PDIA4: variants seen among roughly 807,000 people sequenced by gnomAD.
PDIA4 encodes protein disulfide-isomerase A4.
In PDIA4, 33 loss-of-function variants were observed where a neutral mutation model predicts 62.1. The observed-to-expected ratio is 0.53, with a 90% CI of 0.40 to 0.71. PDIA4 has a LOEUF of 0.71. PDIA4 is among the 30% of genes least tolerant of loss of function. The pLI, the probability that PDIA4 is intolerant of heterozygous loss-of-function variation, is 0.00. For missense variants in PDIA4, 804 were observed against 813.6 expected, an observed-to-expected ratio of 0.99 and a Z score of 0.14; for synonymous variants, 341 against 324.1, an observed-to-expected ratio of 1.05 and a Z score of -0.56.
Position 149,011,946 on chromosome 7 carries a change from C to T in PDIA4, c.879G>A (p.Leu293=). 6.2e-7 allele frequency: 1 copy of T among 1,610,138 alleles called. No individual in the cohort carries two copies. The highest frequency in any genetic ancestry group is 8.5e-7 in the Non-Finnish European group (1 of 1,177,838). Residue 293 remains leucine, a synonymous_variant, in exon 6 of 10, where the codon CTG becomes CTA. Coordinates refer to ENST00000652332, the MANE Select transcript of PDIA4 (RefSeq NM_004911.5). ...CCTTCAGGAACTCCTGGACCTGCTT[C>T]AGGGTCAGAATCTCCTTGGAGGGAG... is the stretch of plus-strand genomic sequence containing the variant. ...SGPPSKEILT[L]KQVQEFLKDG... is the part of the protein sequence containing the mutation.
At chr7:149,018,734 T>C (rs1253145073) in intron 3 of PDIA4, among the ~76,000 whole-genome samples, 2 of 151,966 alleles carry the variant, frequency 1.3e-5, no homozygotes, top group African/African-American at 4.8e-5. Context: ...GTCTGGCCCA[T>C]TTCCTAACAC....
rs1456402415 is a variant in PDIA4 at position 149,014,993 on chromosome 7, T to C, written c.525A>G (p.Pro175=). ...REVSQPDWTP[P]PEVTLVLTKE... ...TGGTCAACACAAGCGTGACTTCTGG[T>C]GGAGGCGTCCAGTCGGGCTGGGAGA... The change falls in exon 4 of 10, where the codon CCA becomes CCG. Residue 175 remains proline, a synonymous_variant. Coordinates refer to ENST00000652332, the MANE Select transcript of PDIA4 (RefSeq NM_004911.5). 10 of 1,614,186 alleles carry C rather than the reference T, an allele frequency of 6.2e-6. No homozygotes were observed. The highest frequency in any genetic ancestry group is 7.6e-6 in the Non-Finnish European group (9 of 1,179,996).
At chr7:149,017,485 G>A (rs1824178241) in intron 3 of PDIA4, among the ~76,000 whole-genome samples, 1 of 152,170 alleles carries the variant, frequency 6.6e-6, no homozygotes, top group Non-Finnish European at 1.5e-5. Context: ...TCTGGAGGCT[G>A]AGGCAGGAGA....
At chr7:149,027,054 T>C (rs1043932497) in intron 1 of PDIA4, among the ~76,000 whole-genome samples, 1 of 152,202 alleles carries the variant, frequency 6.6e-6, no homozygotes, top group Non-Finnish European at 1.5e-5. Context: ...TTTTCCGCTA[T>C]GTTCCAAAAA....
chr7:149,021,044 G>A lies in PDIA4; in HGVS notation c.192C>T (p.Val64=). The change falls in exon 2 of 10, where the codon GTC becomes GTT. Residue 64 remains valine (V), a synonymous_variant. Coordinates refer to ENST00000652332, the MANE Select transcript of PDIA4 (RefSeq NM_004911.5). The part of the protein sequence containing the change: ...DDLEVKEENG[V]LVLNDANFDN... ...CAAAGTTTGCATCATTTAGGACCAA[G>A]ACTCCATTTTCTTCCTTAACTTCCA... 2 of 1,614,154 alleles carry A rather than the reference G, an allele frequency of 1.2e-6. No individual in the cohort carries two copies. The highest frequency in any genetic ancestry group is 1.7e-6 in the Non-Finnish European group (2 of 1,180,016).
At chr7:149,026,128 G>A (rs1200508323) in intron 1 of PDIA4, among the ~76,000 whole-genome samples, 1 of 152,168 alleles carries the variant, frequency 6.6e-6, no homozygotes, top group African/African-American at 2.4e-5. Context: ...CACTTGAGGG[G>A]TGAGGTAGTG....
At chr7:149,012,429 G>C (rs775581188) in intron 4 of PDIA4, 69 bp from the exon 5 acceptor site, 1 of 1,346,150 alleles carries the variant, frequency 7.4e-7, no homozygotes, top group Non-Finnish European at 1.1e-6. Flanking sequence ...TAAATGAGCT[G>C]CAGAAACCCA....
intron 4 of PDIA4, among the ~76,000 whole-genome samples, chr7:149,013,239 C>T (rs1241382163): frequency 1.3e-5 from 2 of 152,114 alleles, no homozygotes; most frequent in African/African-American, 4.8e-5. Context: ...CAGAGCAGGA[C>T]TCCGTCTCAA....
chr7:149,011,289 T>G (rs1378835345), intron 6 of PDIA4, among the ~76,000 whole-genome samples: 1 of 152,178 alleles, frequency 6.6e-6, no homozygotes, highest in Admixed American at 6.5e-5. Flanking sequence ...ATGGGGCAAC[T>G]GCTGCCTGCC....
At chr7:149,011,592 C>T (rs191228115) in intron 6 of PDIA4, among the ~76,000 whole-genome samples, 4 of 152,296 alleles carry the variant, frequency 2.6e-5, no homozygotes, top group East Asian at 1.9e-4. Flanking sequence ...CTGCCCTCCT[C>T]GGGCTCTGGA....
chr7:149,012,328 T>A lies in PDIA4; in HGVS notation c.647A>T (p.Tyr216Phe). The A allele has an allele frequency of 6.2e-7, 1 of 1,613,754 alleles. No homozygotes were observed. The highest frequency in any genetic ancestry group is 8.5e-7 in the Non-Finnish European group (1 of 1,180,042). Residue 216 changes from tyrosine to phenylalanine, a missense_variant, in exon 5 of 10, where the codon TAT becomes TTT. Transcript: ENST00000652332. ...GCTGAGCTCCTTGGCGGCCTTCTCATACTCGGGGGCAAGTTTCTTGCAGTG... is the reference window on the plus strand; with the variant it reads ...GCTGAGCTCCTTGGCGGCCTTCTCAAACTCGGGGGCAAGTTTCTTGCAGTG... ...CGHCKKLAPE[Y>F]EKAAKELSKR...
At chr7:149,015,975 T>C (rs1423260737) in intron 3 of PDIA4, among the ~76,000 whole-genome samples, 3 of 152,238 alleles carry the variant, frequency 2.0e-5, no homozygotes, top group African/African-American at 7.2e-5. Context: ...CAAACGCATA[T>C]GCCTGTTTAC....
intron 1 of PDIA4, among the ~76,000 whole-genome samples, chr7:149,023,513 G>T (rs757244342): frequency 3.7e-4 from 56 of 151,864 alleles, no homozygotes; most frequent in Non-Finnish European, 6.3e-4. Flanking sequence ...GACCACCAGG[G>T]GCCCCGGCTG....
chr7:149,019,264 T>C lies in PDIA4; in HGVS notation c.270-67A>G, dbSNP rs1331622041. Reference sequence around the variant, plus strand: ...CTATGGGATTTAAATCCAACAATAATACATACCACTTTGGTTTGGATGTGG... The same window carrying C: ...CTATGGGATTTAAATCCAACAATAACACATACCACTTTGGTTTGGATGTGG... On this transcript the variant is annotated intron_variant, in intron 2 of 9. Transcript: ENST00000652332. The C allele has an allele frequency of 3.7e-6, 4 of 1,094,618 alleles. No homozygotes were observed. In the African/African-American group the frequency reaches 6.2e-5, roughly 17 times the overall value. The allele number at this position is 1,094,618 out of a possible 1,614,324, so 67.8% of individuals were successfully genotyped here.
In PDIA4 at chr7:149,004,034, G is replaced by T; in HGVS notation, c.1698C>A (p.Asn566Lys). 1 of 1,614,246 alleles carries T rather than the reference G, an allele frequency of 6.2e-7. No homozygotes were observed. Among genetic ancestry groups the T allele is most frequent in the Non-Finnish European group, 8.5e-7 (1 of 1,180,050 alleles). The change falls in exon 10 of 10, where the codon AAC (asparagine) becomes AAA (lysine). Residue 566 changes from asparagine to lysine, a missense_variant. By Grantham distance (94) the Asn-to-Lys change is moderately conservative. Transcript: ENST00000652332. The stretch of plus-strand genomic sequence containing the variant: ...GGCCCTTGTACTTCTTGGCCAGGCT[G>T]TTGTACACGGGCTCTAGCTGCTTGC... ...GHCKQLEPVY[N>K]SLAKKYKGQK...
chr7:149,012,593 A>G (rs1488881313), intron 4 of PDIA4, among the ~76,000 whole-genome samples: 2 of 152,166 alleles, frequency 1.3e-5, no homozygotes, highest in African/African-American at 4.8e-5. Context: ...ATGCGTACAC[A>G]CATGTACAGG....
chr7:149,005,278 A>C lies in PDIA4; in HGVS notation c.1385T>G (p.Val462Gly), dbSNP rs201337580. 1.2e-6 allele frequency: 2 copies of C among 1,613,572 alleles called. No homozygotes were observed. Among genetic ancestry groups the C allele is most frequent in the Non-Finnish European group, 1.7e-6 (2 of 1,179,886 alleles). ...IADEEDYAGE[V>G]KDLGLSESGE... ...ACTCTCGCTGAGCCCCAGGTCCTTC[A>C]CCTCCCCAGCATAGTCCTCTTCGTC... Residue 462 changes from valine (V) to glycine (G), a missense_variant, in exon 9 of 10, where the codon GTG (valine) becomes GGG (glycine). Physicochemically the swap from Val to Gly is moderately radical, Grantham distance 109 (BLOSUM62 -3). Coordinates refer to ENST00000652332, the MANE Select transcript of PDIA4 (RefSeq NM_004911.5).
intron 7 of PDIA4, among the ~76,000 whole-genome samples, chr7:149,006,529 C>T (rs917409928): frequency 3.3e-5 from 5 of 152,206 alleles, no homozygotes; most frequent in Admixed American, 6.5e-5. Context: ...CCCAAGGCTG[C>T]GCAGCCAGCA....
chr7:149,027,855 T>C (rs769982375), intron 1 of PDIA4: 2 of 473,384 alleles, frequency 4.2e-6, no homozygotes, highest in South Asian at 1.5e-5. Flanking sequence ...AGACCACATT[T>C]TGAAAAGGAA....
Sources: gnomAD v4.1 joint callset for allele counts (sites outside exome capture counted in the v4.1 genomes callset) on GRCh38, gnomAD v4.1.1 for gene constraint, MANE v1.5 for transcripts, NCBI Gene and HGNC (gene_info 2026-07-23, HGNC 2026-07-21) for gene names.